LDHC: variants seen among roughly 807,000 people sequenced by gnomAD.
LDHC encodes L-lactate dehydrogenase C chain.
LDHC carries 20 observed loss-of-function variants against 30.2 expected under a neutral mutation model. The observed-to-expected ratio is 0.66, with a 90% confidence interval of 0.47 to 0.96. LDHC has a LOEUF of 0.96. Ranked by LOEUF, LDHC falls within the 40% of genes least tolerant of loss-of-function variation. The pLI is 0.00. For synonymous variants in LDHC, 139 were observed against 132.7 expected, an observed-to-expected ratio of 1.05 and a Z score of -0.32; for missense variants, 362 against 394.9, an observed-to-expected ratio of 0.92 and a Z score of 0.71.
Position 18,429,742 on chromosome 11 carries a change from A to G in LDHC, c.250A>G (p.Ser84Gly). 6.3e-7 allele frequency: 1 copy of G among 1,593,986 alleles called. No individual in the cohort carries two copies. Among genetic ancestry groups the G allele is most frequent in the Non-Finnish European group, 8.6e-7 (1 of 1,165,044 alleles). Reference sequence around the variant, plus strand: ...GTATTTTGTTTCCTTTTTAGATTACAGTGTATCTGCAAACTCCAGAATAGT... The same window carrying G: ...GTATTTTGTTTCCTTTTTAGATTACGGTGTATCTGCAAACTCCAGAATAGT... Reference protein sequence around the residue: ...TSKITSGKDYSVSANSRIVIV... With the variant: ...TSKITSGKDYGVSANSRIVIV... The change falls in exon 4 of 8, where the codon AGT (serine) becomes GGT (glycine). Residue 84 changes from serine (S) to glycine (G), a missense_variant. Ser to Gly is a moderately conservative substitution (Grantham distance 56). Coordinates refer to ENST00000541669, the MANE Select transcript of LDHC (RefSeq NM_017448.5).
chr11:18,447,196 C>T (rs556135833), intron 7 of LDHC, among the ~76,000 whole-genome samples: 17 of 149,962 alleles, frequency 1.1e-4, no homozygotes, highest in Non-Finnish European at 2.4e-4. Flanking sequence ...TGCAGTCATG[C>T]GATCTTGGCT....
At position 18,444,072 on chromosome 11, in the gene LDHC, T is replaced by C. The variant is rs368301481; in HGVS notation, c.711-2138T>C. On this transcript the variant is annotated intron_variant, in intron 6 of 7. Coordinates refer to ENST00000541669, the MANE Select transcript of LDHC (RefSeq NM_017448.5). ...CACCAATTGCAGAGGAATGACATCA[T>C]GATTTAATAGGATGTCCTTACTTGT... Among the ~76,000 whole-genome samples the C allele has an allele frequency of 7.2e-5, 11 of 152,290 alleles. No individual in the cohort carries two copies. The South Asian group carries it at 2.3e-3, about 32-fold the overall frequency.
chr11:18,442,499 T>C (rs1848483448), intron 6 of LDHC, among the ~76,000 whole-genome samples: 1 of 152,180 alleles, frequency 6.6e-6, no homozygotes, highest in Non-Finnish European at 1.5e-5. Flanking sequence ...ACCACTAGAC[T>C]CTATAAGACA....
chr11:18,441,211 A>G (rs1470707733), intron 6 of LDHC, among the ~76,000 whole-genome samples: 2 of 152,202 alleles, frequency 1.3e-5, no homozygotes, highest in African/African-American at 4.8e-5. Context: ...TCCGACTCAC[A>G]GGACATAATA....
intron 7 of LDHC, 89 bp from the exon 8 acceptor site, chr11:18,450,874 C>A: frequency 1.1e-6 from 1 of 942,858 alleles, no homozygotes; most frequent in Non-Finnish European, 1.6e-6. Flanking sequence ...ATGCTTTAGT[C>A]TCTCCTGTAT....
chr11:18,449,654 G>A (rs1311030359), intron 7 of LDHC, among the ~76,000 whole-genome samples: 1 of 152,064 alleles, frequency 6.6e-6, no homozygotes, highest in African/African-American at 2.4e-5. Flanking sequence ...TGCTTATGAG[G>A]GTGAGTGTAA....
At chr11:18,429,320 C>T (rs980317099) in intron 3 of LDHC, among the ~76,000 whole-genome samples, 3 of 151,904 alleles carry the variant, frequency 2.0e-5, no homozygotes, top group Admixed American at 6.6e-5. Flanking sequence ...ACCATGTTGG[C>T]CAAGATGGTC....
rs1260530831 is a variant in LDHC, at chr11:18,431,655, C to T, written c.418+1745C>T. Among the ~76,000 whole-genome samples the T allele has an allele frequency of 4.6e-5, 7 of 152,036 alleles. No individual in the cohort carries two copies. In the South Asian group the frequency reaches 1.5e-3, roughly 32 times the overall value. On this transcript the variant is annotated intron_variant, in intron 4 of 7. Transcript: ENST00000541669. ...CCTTGTCGCAGGTTCAAGCGATTCTCCTGTTCAGCCTCCCATGTTGCTGGG... is the reference window on the plus strand; with the variant it reads ...CCTTGTCGCAGGTTCAAGCGATTCTTCTGTTCAGCCTCCCATGTTGCTGGG...
intron 6 of LDHC, among the ~76,000 whole-genome samples, chr11:18,442,111 C>T (rs1848477187): frequency 6.6e-6 from 1 of 152,022 alleles, no homozygotes; most frequent in South Asian, 2.1e-4. Context: ...CTCAACAGTT[C>T]TTAATGCACT....
intron 7 of LDHC, 52 bp from the exon 8 acceptor site, chr11:18,450,911 A>G: frequency 1.5e-6 from 2 of 1,354,986 alleles, no homozygotes; most frequent in Non-Finnish European, 2.0e-6. Flanking sequence ...CCTTTTGCAT[A>G]GCTGCTTTTC....
Position 18,412,922 on chromosome 11 carries a change from G to T in LDHC, c.126+79G>T, listed in dbSNP as rs566843932. The T allele has an allele frequency of 1.3e-5, 18 of 1,382,598 alleles. No individual in the cohort carries two copies. The African/African-American group carries it at 1.4e-4, about 11-fold the overall frequency. The allele number at this position is 1,382,598 out of a possible 1,614,324, so 85.6% of individuals were successfully genotyped here. A position where few individuals can be genotyped will look rare whatever the true frequency, so the allele number is the denominator to read the frequency against. On this transcript the variant is annotated intron_variant, in intron 2 of 7. Transcript: ENST00000541669. ...TGTATATGTCGATGTATTCAGGGTT[G>T]CAAGGTTAATCCCTTGAAAGCAATT...
At position 18,451,355 on chromosome 11, in the gene LDHC, G is replaced by A. The variant is rs1300284030; in HGVS notation, c.*228G>A. The A allele has an allele frequency of 3.3e-6, 1 of 302,496 alleles. No individual in the cohort carries two copies. Among genetic ancestry groups the A allele is most frequent in the Non-Finnish European group, 6.0e-6 (1 of 167,982 alleles). The allele number at this position is 302,496 out of a possible 1,614,324, so 18.7% of individuals were successfully genotyped here. ...TGATACCCAATCTGTACAGGTGTAA[G>A]TTATACTTCTGAGGTATGTCACATA... On this transcript the variant is annotated 3_prime_UTR_variant, in exon 8 of 8. Transcript: ENST00000541669.
chr11:18,432,337 A>T (rs1289040639), intron 4 of LDHC, among the ~76,000 whole-genome samples: 1 of 152,136 alleles, frequency 6.6e-6, no homozygotes, highest in Non-Finnish European at 1.5e-5. Context: ...GCTTGATATA[A>T]TTTCAATTTT....
chr11:18,423,630 C>T (rs553626937), intron 3 of LDHC, among the ~76,000 whole-genome samples: 7 of 152,098 alleles, frequency 4.6e-5, no homozygotes, highest in South Asian at 4.2e-4. Context: ...TAGAAGATAA[C>T]GTAGAATATC....
At chr11:18,445,081 A>G (rs1418548456) in intron 6 of LDHC, among the ~76,000 whole-genome samples, 3 of 152,204 alleles carry the variant, frequency 2.0e-5, no homozygotes, top group Non-Finnish European at 1.5e-5. Flanking sequence ...TTGAAAATGT[A>G]TCATGAATAT....
intron 5 of LDHC, among the ~76,000 whole-genome samples, chr11:18,437,393 T>G (rs958683374): frequency 3.3e-5 from 5 of 152,218 alleles, no homozygotes; most frequent in African/African-American, 1.2e-4. Flanking sequence ...TTTTATACAT[T>G]TGAAACCTAT....
intron 5 of LDHC, among the ~76,000 whole-genome samples, 187 bp from the exon 6 acceptor site, chr11:18,438,341 G>A (rs1257029212): frequency 2.0e-5 from 3 of 152,112 alleles, no homozygotes; most frequent in Admixed American, 2.0e-4. Flanking sequence ...TATTCATGAG[G>A]GATCTGCACC....
chr11:18,416,634 G>A (rs770297722), intron 3 of LDHC, among the ~76,000 whole-genome samples: 6 of 151,982 alleles, frequency 3.9e-5, no homozygotes, highest in Non-Finnish European at 7.4e-5. Flanking sequence ...CTTTGAGTAC[G>A]GCTCAGCTGA....
chr11:18,442,373 T>C (rs930780589), intron 6 of LDHC, among the ~76,000 whole-genome samples: 3 of 152,214 alleles, frequency 2.0e-5, no homozygotes, highest in Admixed American at 6.5e-5. Context: ...CCTTTACCCT[T>C]GGTACCTTTC....
Sources: allele counts gnomAD v4.1 joint callset (sites outside exome capture counted in the v4.1 genomes callset), GRCh38; gene constraint gnomAD v4.1.1; transcripts MANE v1.5; gene names NCBI Gene and HGNC (gene_info 2026-07-23, HGNC 2026-07-21).